Variants in SLCO1B1 observed in about 807,000 individuals in gnomAD.
SLCO1B1 encodes OATP-2.
In SLCO1B1, 81 loss-of-function variants were observed where a neutral mutation model predicts 70.1. The ratio of observed to expected loss-of-function variants is 1.16; its 90% confidence interval spans 0.97 to 1.39. The LOEUF is 1.39. Among genes scored for constraint, SLCO1B1 ranks in the 40% most tolerant of loss-of-function variants. The pLI is 0.00. For missense variants in SLCO1B1, 895 were observed against 799.6 expected (o/e 1.12, Z -1.44); for synonymous variants, 283 against 271.5 (o/e 1.04, Z -0.42).
chr12:21,232,955 A>G (rs1413475943), intron 14 of SLCO1B1, among the ~76,000 whole-genome samples: 1 of 152,208 alleles, frequency 6.6e-6, no homozygotes, highest in Admixed American at 6.5e-5. Context: ...ATAAAACTAT[A>G]GGCAAAAGCT....
At position 21,174,667 on chromosome 12, in the gene SLCO1B1, T is replaced by A; in HGVS notation, c.317T>A (p.Ile106Asn). The A allele has an allele frequency of 2.5e-6, 4 of 1,613,346 alleles. No homozygotes were observed. The highest frequency in any genetic ancestry group is 3.4e-6 in the Non-Finnish European group (4 of 1,179,718). The change falls in exon 4 of 15, where the codon ATT becomes AAT. Residue 106 changes from isoleucine (I) to asparagine (N), a missense_variant. Physicochemically the swap from Ile to Asn is moderately radical, Grantham distance 149. Coordinates refer to ENST00000256958, the MANE Select transcript of SLCO1B1 (RefSeq NM_006446.5). ...GGAATCGGTTGTTTCATTATGGGAA[T>A]TGGAGGTGTTTTGACTGCTTTGCCA... ...LIGIGCFIMG[I>N]GGVLTALPHF...
chr12:21,214,655 C>T (rs1395642682), intron 11 of SLCO1B1, among the ~76,000 whole-genome samples: 7 of 151,388 alleles, frequency 4.6e-5, no homozygotes, highest in Admixed American at 2.6e-4. Flanking sequence ...GGCGCCCCTC[C>T]CCCAGCCTCG....
At chr12:21,150,785 A>G (rs918368729) in intron 2 of SLCO1B1, among the ~76,000 whole-genome samples, 4 of 152,200 alleles carry the variant, frequency 2.6e-5, no homozygotes, top group African/African-American at 9.7e-5. Context: ...AGAATGCCTC[A>G]TCTCCTCCAA....
chr12:21,179,888 CT>C (rs1176973497), intron 7 of SLCO1B1, among the ~76,000 whole-genome samples: 2 of 151,938 alleles, frequency 1.3e-5, no homozygotes, highest in Non-Finnish European at 2.9e-5. Context: ...CAGCTGAATC[CT>C]TTTTTTATTC....
At chr12:21,233,318 C>T (rs1941561068) in intron 14 of SLCO1B1, among the ~76,000 whole-genome samples, 1 of 152,082 alleles carries the variant, frequency 6.6e-6, no homozygotes, top group Non-Finnish European at 1.5e-5. Flanking sequence ...TCAGTAGTTC[C>T]TTTAGAGGTC....
intron 2 of SLCO1B1, among the ~76,000 whole-genome samples, chr12:21,143,286 G>A (rs1165785263): frequency 6.6e-6 from 1 of 151,898 alleles, no homozygotes; most frequent in Non-Finnish European, 1.5e-5. Context: ...AAAAGTTGCT[G>A]AAAATATATT....
rs765959487 is a variant in SLCO1B1 at position 21,217,349 on chromosome 12, A to G, written c.1682+46A>G. 5 of 1,400,000 alleles carry G rather than the reference A, an allele frequency of 3.6e-6. No individual in the cohort carries two copies. The African/African-American group carries it at 5.7e-5, about 16-fold the overall frequency. The allele number at this position is 1,400,000 out of a possible 1,614,324, so 86.7% of individuals were successfully genotyped here. The stretch of plus-strand genomic sequence containing the variant: ...CATTTTCATATGCATGAGACTATAA[A>G]CACACCTAATGATATGCATATTTTT... On this transcript the variant is annotated intron_variant, in intron 12 of 14. Coordinates refer to ENST00000256958, the MANE Select transcript of SLCO1B1 (RefSeq NM_006446.5).
Position 21,239,226 on chromosome 12 carries a change from A to C in SLCO1B1, c.*37A>C, listed in dbSNP as rs1320945228. ...AAGCCACTTCTGCTTCTGTGTTTCC[A>C]AACAGCATTGCATTGATTCAGTAAG... On this transcript the variant is annotated 3_prime_UTR_variant, in exon 15 of 15. Coordinates refer to ENST00000256958, the MANE Select transcript of SLCO1B1 (RefSeq NM_006446.5). 7.3e-7 allele frequency: 1 copy of C among 1,378,200 alleles called. No homozygotes were observed. 85.4% of individuals were successfully genotyped at this position (1,378,200 alleles called of 1,614,324 possible). A position where few individuals can be genotyped will look rare whatever the true frequency, so the allele number is the denominator to read the frequency against.
At chr12:21,132,580 T>A (rs945275960) in intron 1 of SLCO1B1, among the ~76,000 whole-genome samples, 1 of 152,246 alleles carries the variant, frequency 6.6e-6, no homozygotes, top group Non-Finnish European at 1.5e-5. Flanking sequence ...ATTTCTCTGA[T>A]GGCCAGTGAT....
At chr12:21,182,297 A>G (rs1940910756) in intron 7 of SLCO1B1, among the ~76,000 whole-genome samples, 1 of 152,176 alleles carries the variant, frequency 6.6e-6, no homozygotes, top group African/African-American at 2.4e-5. Flanking sequence ...CCCCAGAGAC[A>G]TTGGAACAGG....
Position 21,178,588 on chromosome 12 carries a change from A to G in SLCO1B1, c.494A>G (p.Glu165Gly), listed in dbSNP as rs773486528. Reference sequence around the variant, plus strand: ...CTTATCTACATAGGTTGTTTAAAGGAATCTGGGTCATACATGTGGATATAT... The same window carrying G: ...CTTATCTACATAGGTTGTTTAAAGGGATCTGGGTCATACATGTGGATATAT... ...PEIVGKGCLK[E>G]SGSYMWIYVF... Residue 165 changes from glutamate to glycine, a missense_variant, in exon 6 of 15, where the codon GAA becomes GGA. Coordinates refer to ENST00000256958, the MANE Select transcript of SLCO1B1 (RefSeq NM_006446.5). 1.2e-6 allele frequency: 2 copies of G among 1,606,946 alleles called. No individual in the cohort carries two copies. Among genetic ancestry groups the G allele is most frequent in the Non-Finnish European group, 8.5e-7 (1 of 1,173,670 alleles).
chr12:21,142,331 A>T (rs1172924183), intron 2 of SLCO1B1, among the ~76,000 whole-genome samples: 1 of 151,976 alleles, frequency 6.6e-6, no homozygotes, highest in Non-Finnish European at 1.5e-5. Context: ...CCTAAGCACA[A>T]TGCTAAATGA....
intron 1 of SLCO1B1, among the ~76,000 whole-genome samples, chr12:21,138,118 C>T (rs1940253561): frequency 6.6e-6 from 1 of 152,180 alleles, no homozygotes; most frequent in African/African-American, 2.4e-5. Context: ...ATTGTCTCTC[C>T]TATAAAAGGT....
In SLCO1B1 at chr12:21,202,589, T is replaced by C. The variant is rs755233070; in HGVS notation, c.1234T>C (p.Cys412Arg). ...LNTVGIAKFSCFTAVMSLSFY... is the reference protein window; with the variant it reads ...LNTVGIAKFSRFTAVMSLSFY... ...CACCGTTGGAATTGCCAAATTCTCA[T>C]GTTTTACTGCTGTGATGTCATTGTC... Residue 412 changes from cysteine (C) to arginine (R), a missense_variant, in exon 10 of 15, where the codon TGT becomes CGT. By Grantham distance (180) the Cys-to-Arg change is radical. Transcript: ENST00000256958. 2 of 1,612,732 alleles carry C rather than the reference T, an allele frequency of 1.2e-6. No homozygotes were observed. Among genetic ancestry groups the C allele is most frequent in the Non-Finnish European group, 1.7e-6 (2 of 1,179,198 alleles).
intron 11 of SLCO1B1, among the ~76,000 whole-genome samples, chr12:21,208,547 G>C (rs1359624500): frequency 1.3e-5 from 2 of 152,006 alleles, no homozygotes; most frequent in East Asian, 1.9e-4. Context: ...AGTATAGTTT[G>C]ATATCAGGTA....
At chr12:21,231,457 A>T (rs566987013) in intron 14 of SLCO1B1, among the ~76,000 whole-genome samples, 1 of 152,002 alleles carries the variant, frequency 6.6e-6, no homozygotes, top group African/African-American at 2.4e-5. Flanking sequence ...GGTACCTCCT[A>T]TTTTTCCCAA....
At chr12:21,151,043 A>T (rs1024273630) in intron 2 of SLCO1B1, among the ~76,000 whole-genome samples, 1 of 152,222 alleles carries the variant, frequency 6.6e-6, no homozygotes, top group Non-Finnish European at 1.5e-5. Context: ...TAGCGTGTAC[A>T]TACATAAACC....
chr12:21,186,016 C>G (rs1403781126), intron 7 of SLCO1B1, among the ~76,000 whole-genome samples: 1 of 151,846 alleles, frequency 6.6e-6, no homozygotes. Flanking sequence ...AAAACCTGAA[C>G]AGACCGATAA....
chr12:21,141,888 A>G (rs1031210378), intron 2 of SLCO1B1, among the ~76,000 whole-genome samples: 7 of 151,854 alleles, frequency 4.6e-5, no homozygotes, highest in Admixed American at 3.3e-4. Flanking sequence ...AATGTAGAAA[A>G]TTTAGAAATA....
Sources: allele counts gnomAD v4.1 joint callset (sites outside exome capture counted in the v4.1 genomes callset), GRCh38; gene constraint gnomAD v4.1.1; transcripts MANE v1.5; gene names NCBI Gene and HGNC (gene_info 2026-07-23, HGNC 2026-07-21).